The following FBXL13 variants were observed in gnomAD, a reference collection of about 807,000 sequenced individuals.
The protein encoded by FBXL13 is F-box and leucine-rich repeat protein 13.
In FBXL13, 67 loss-of-function variants were observed where a neutral mutation model predicts 83.6. That is an observed-to-expected ratio of 0.80 (90% confidence interval 0.66 to 0.98). The LOEUF (loss-of-function observed/expected upper bound fraction) is 0.98, where lower values mean the gene tolerates loss of function less well. FBXL13 is among the 50% of genes least tolerant of loss of function. The pLI is 0.00. For missense variants in FBXL13, 822 were observed against 866.5 expected, an observed-to-expected ratio of 0.95 and a Z score of 0.64; for synonymous variants, 272 against 299.5, an observed-to-expected ratio of 0.91 and a Z score of 0.95.
exon 8 of FBXL13, chr7:102,963,621 T>G: frequency 6.2e-7 from 1 of 1,608,860 alleles, no homozygotes; most frequent in Non-Finnish European, 8.5e-7. Context: ...AAGTAGACAC[T>G]ATATATTTAT....
intron 1 of FBXL13, among the ~76,000 whole-genome samples, chr7:103,072,419 A>G (rs1226492163): frequency 6.6e-6 from 1 of 152,178 alleles, no homozygotes; most frequent in African/African-American, 2.4e-5. Context: ...TGGAGAATGC[A>G]TATAAGGGCC....
At chr7:102,949,964 G>C (rs1250573512) in intron 8 of FBXL13, among the ~76,000 whole-genome samples, 1 of 152,132 alleles carries the variant, frequency 6.6e-6, no homozygotes, top group African/African-American at 2.4e-5. Flanking sequence ...AAATTAGCCA[G>C]GCATGGTGGT....
At chr7:102,908,690 C>T (rs1814155293) in intron 11 of FBXL13, among the ~76,000 whole-genome samples, 1 of 152,238 alleles carries the variant, frequency 6.6e-6, no homozygotes, top group Non-Finnish European at 1.5e-5. Flanking sequence ...GGGACAAGAT[C>T]TGGAAGAATT....
chr7:102,941,621 G>A (rs972494824), intron 8 of FBXL13, among the ~76,000 whole-genome samples: 3 of 151,864 alleles, frequency 2.0e-5, no homozygotes, highest in Admixed American at 6.6e-5. Context: ...ACAAACTAAA[G>A]AATCTCAGGA....
At chr7:102,986,808 G>A (rs181284052) in intron 6 of FBXL13, among the ~76,000 whole-genome samples, 1 of 151,752 alleles carries the variant, frequency 6.6e-6, no homozygotes, top group East Asian at 1.9e-4. Context: ...GAGATCAGTT[G>A]GTTGTAACTA....
rs183736208 is a variant in FBXL13, at chr7:103,044,939, A to G, written c.-1+10705T>C. 5.0e-4 allele frequency among the ~76,000 whole-genome samples: 76 copies of G among 152,366 alleles called. 1 individual carries two copies. Among genetic ancestry groups the G allele is most frequent in the Non-Finnish European group, 1.8e-4 (12 of 68,036 alleles). On this transcript the variant is annotated intron_variant, in intron 2 of 19. Coordinates refer to ENST00000313221, the Ensembl canonical transcript of FBXL13. ...TGTATTCACTCGTCTTTAAGTAGAG[A>G]CATATTTATCCTTTATAAATAGGCA...
At chr7:102,837,807 C>T (rs966180044) in intron 17 of FBXL13, among the ~76,000 whole-genome samples, 2 of 152,204 alleles carry the variant, frequency 1.3e-5, no homozygotes, top group African/African-American at 2.4e-5. Flanking sequence ...CTTCCCAAAA[C>T]GTTGGGATTA....
chr7:103,009,385 C>A (rs1791343229), intron 6 of FBXL13, among the ~76,000 whole-genome samples: 1 of 152,148 alleles, frequency 6.6e-6, no homozygotes. Context: ...TGGGGACCAG[C>A]CTGTCTGGGC....
chr7:102,898,402 G>A (rs1030558207), intron 11 of FBXL13, among the ~76,000 whole-genome samples: 7 of 151,872 alleles, frequency 4.6e-5, no homozygotes, highest in South Asian at 2.1e-4. Flanking sequence ...GTGCAGTGGC[G>A]CAATCATGGC....
chr7:102,813,319 T>G, exon 20 of FBXL13: 1 of 1,566,538 alleles, frequency 6.4e-7, no homozygotes, highest in Non-Finnish European at 8.6e-7. Context: ...TGATTTTTTG[T>G]TCTTCCTGCT....
chr7:102,816,614 C>A (rs1351022317), intron 19 of FBXL13, among the ~76,000 whole-genome samples: 2 of 151,998 alleles, frequency 1.3e-5, no homozygotes, highest in Non-Finnish European at 2.9e-5. Context: ...CACACACGCA[C>A]CTTTAAAAAA....
intron 6 of FBXL13, among the ~76,000 whole-genome samples, chr7:103,006,397 C>T (rs1292203187): frequency 6.6e-6 from 1 of 152,176 alleles, no homozygotes; most frequent in African/African-American, 2.4e-5. Context: ...TAAGCTGAGT[C>T]ACTAGTACAG....
intron 6 of FBXL13, among the ~76,000 whole-genome samples, chr7:102,996,330 C>T (rs951896159): frequency 1.3e-5 from 2 of 152,164 alleles, no homozygotes; most frequent in East Asian, 3.8e-4. Flanking sequence ...TTGTTCACCA[C>T]AGGGGTCTGG....
exon 20 of FBXL13, chr7:102,813,252 A>T: frequency 8.5e-7 from 1 of 1,179,682 alleles, no homozygotes; most frequent in African/African-American, 1.5e-5. Flanking sequence ...TTACATTGTT[A>T]TTGAGATTCA....
chr7:102,863,807 T>C (rs6953980), intron 16 of FBXL13, among the ~76,000 whole-genome samples: 33,369 of 151,994 alleles, frequency 0.22, 4,206 homozygotes, highest in East Asian at 0.59. Context: ...TTTCCTGGTT[T>C]GTGGCACCAC....
intron 6 of FBXL13, among the ~76,000 whole-genome samples, chr7:102,970,051 G>A (rs1444232214): frequency 1.3e-5 from 2 of 152,014 alleles, no homozygotes; most frequent in Non-Finnish European, 2.9e-5. Context: ...AGGAGTTCAA[G>A]ACTAGCCTGG....
intron 19 of FBXL13, chr7:102,816,193 C>T (rs1797978500): frequency 6.6e-6 from 1 of 152,198 alleles, no homozygotes; most frequent in African/African-American, 2.4e-5. Flanking sequence ...TGCTTACTGA[C>T]TGGAGGGGAG....
intron 17 of FBXL13, among the ~76,000 whole-genome samples, chr7:102,844,215 T>G (rs913650697): frequency 6.6e-6 from 1 of 152,346 alleles, no homozygotes; most frequent in African/African-American, 2.4e-5. Flanking sequence ...TCAGAGTCAT[T>G]TATTAATTAT....
At chr7:102,912,684 C>CCCA (rs1554452560) in intron 11 of FBXL13, among the ~76,000 whole-genome samples, 1 of 114,512 alleles carries the variant, frequency 8.7e-6, no homozygotes, top group East Asian at 2.4e-4. Flanking sequence ...CCCCCCCCCC[C>CCCA]AAAAAAAAAC....
Sources: gnomAD v4.1 joint callset for allele counts (sites outside exome capture counted in the v4.1 genomes callset) on GRCh38, gnomAD v4.1.1 for gene constraint, MANE v1.5 for transcripts, NCBI Gene and HGNC (gene_info 2026-07-23, HGNC 2026-07-21) for gene names.